Variants in CDT1 observed in about 807,000 individuals in gnomAD.
CDT1 encodes chromatin licensing and DNA replication factor 1.
A neutral mutation model predicts 49.3 loss-of-function variants in CDT1; 66 were observed. The observed-to-expected ratio is 1.34, with a 90% CI of 1.10 to 1.64. The LOEUF is 1.64. CDT1 is among the 40% of genes most tolerant of loss of function. CDT1 has a pLI of 0.00. For missense variants in CDT1, 958 were observed against 807.7 expected (o/e 1.19, Z -2.26); for synonymous variants, 424 against 347.4 (o/e 1.22, Z -2.45).
chr16:88,804,442 C>T lies in CDT1; in HGVS notation c.229-103C>T, dbSNP rs779342507. Reference sequence around the variant, plus strand: ...AAGTCCTAAGCCCCCCAGCCATGCCCGTCCCAGTTAACTCAGAGCGGCTTC... The same window carrying T: ...AAGTCCTAAGCCCCCCAGCCATGCCTGTCCCAGTTAACTCAGAGCGGCTTC... On this transcript the variant is annotated intron_variant, in intron 1 of 9. Coordinates refer to ENST00000301019, the MANE Select transcript of CDT1 (RefSeq NM_030928.4). 1.9e-3 allele frequency: 2,672 copies of T among 1,442,830 alleles called. 4 individuals are homozygous for T. The highest frequency in any genetic ancestry group is 2.3e-3 in the Non-Finnish European group (2,435 of 1,053,894). 89.4% of individuals were successfully genotyped at this position (1,442,830 alleles called of 1,614,324 possible). A position where few individuals can be genotyped will look rare whatever the true frequency, so the allele number is the denominator to read the frequency against.
chr16:88,806,298 T>A, intron 6 of CDT1, 177 bp downstream of exon 6: 1 of 961,970 alleles, frequency 1.0e-6, no homozygotes, highest in Non-Finnish European at 1.6e-6. Flanking sequence ...ACTGAGGAGG[T>A]CCCCAAGGCG....
chr16:88,803,791 C>G lies in CDT1; in HGVS notation c.-41C>G, dbSNP rs755521921. 53 of 1,462,160 alleles carry G rather than the reference C, an allele frequency of 3.6e-5. 1 individual carries two copies. In the Middle Eastern group the frequency reaches 5.4e-3, roughly 148 times the overall value. 90.6% of individuals were successfully genotyped at this position (1,462,160 alleles called of 1,614,324 possible). Reference sequence around the variant, plus strand: ...GCGGGAACCGCGCCCGCCTCTTCCTCCCTTCCTTCTTTCCTTGCTTTCGCC... The same window carrying G: ...GCGGGAACCGCGCCCGCCTCTTCCTGCCTTCCTTCTTTCCTTGCTTTCGCC... On this transcript the variant is annotated 5_prime_UTR_variant, in exon 1 of 10. Coordinates refer to ENST00000301019, the MANE Select transcript of CDT1 (RefSeq NM_030928.4).
At chr16:88,806,785 C>T (rs1335346945) in intron 7 of CDT1, 111 bp downstream of exon 7, 1 of 1,393,404 alleles carries the variant, frequency 7.2e-7, no homozygotes, top group Non-Finnish European at 9.9e-7. Flanking sequence ...CATCTGGCTT[C>T]CTCCTTGGCT....
chr16:88,806,123 T>C lies in CDT1; in HGVS notation c.933+2T>C, dbSNP rs1483279314. ...GAGCATGTCAAGGAGCACCACAAGG[T>C]GAGCGGCCCCCGGCCCCGCTGTGTG... On this transcript the variant is annotated splice_donor_variant, in intron 6 of 9. Transcript: ENST00000301019. LOFTEE classifies it high-confidence loss of function. 1 of 1,593,592 alleles carries C rather than the reference T, an allele frequency of 6.3e-7. No individual in the cohort carries two copies. The highest frequency in any genetic ancestry group is 8.5e-7 in the Non-Finnish European group (1 of 1,175,150).
At chr16:88,806,944 T>A in intron 7 of CDT1, 107 bp from the exon 8 acceptor site, 1 of 1,419,336 alleles carries the variant, frequency 7.0e-7, no homozygotes. Context: ...GACCACCCAG[T>A]GTGCTGGGTG....
rs1359772760 is a variant in CDT1, at chr16:88,807,288, C to T, written c.1283C>T (p.Ala428Val). The T allele has an allele frequency of 1.2e-6, 2 of 1,612,136 alleles. No homozygotes were observed. Among genetic ancestry groups the T allele is most frequent in the East Asian group, 2.2e-5 (1 of 44,878 alleles). The change falls in exon 9 of 10, where the codon GCC (alanine) becomes GTC (valine). Residue 428 changes from alanine to valine, a missense_variant. Ala to Val is a moderately conservative substitution (Grantham distance 64). Coordinates refer to ENST00000301019, the MANE Select transcript of CDT1 (RefSeq NM_030928.4). ...VSQDLLERIR[A>V]KEAQKQLAQM... ...TCCCGGTACCTGCTGCAGATCCGAG[C>T]CAAGGAGGCACAGAAGCAGCTGGCA...
intron 9 of CDT1, among the ~76,000 whole-genome samples, chr16:88,807,740 C>T (rs1908922061): frequency 1.3e-5 from 2 of 152,224 alleles, no homozygotes; most frequent in Admixed American, 6.5e-5. Flanking sequence ...TCCCTGACCA[C>T]CTGCAGTCCT....
rs75439984 is a variant in CDT1 at position 88,805,574 on chromosome 16, A to G, written c.623A>G (p.His208Arg). Residue 208 changes from histidine to arginine, a missense_variant, in exon 4 of 10, where the codon CAC becomes CGC. By Grantham distance (29) the His-to-Arg change is conservative. Coordinates refer to ENST00000301019, the MANE Select transcript of CDT1 (RefSeq NM_030928.4). ...RSMDTIVGML[H>R]NRSETPTFAK... ...ATGGACACCATCGTGGGCATGCTCC[A>G]CAACCGCTCCGAGACGCCCACCTTT... 6.2e-7 allele frequency: 1 copy of G among 1,612,862 alleles called. No homozygotes were observed. Among genetic ancestry groups the G allele is most frequent in the East Asian group, 2.2e-5 (1 of 44,868 alleles).
At chr16:88,805,949 C>G in intron 5 of CDT1, 72 bp from the exon 6 acceptor site, 1 of 1,587,350 alleles carries the variant, frequency 6.3e-7, no homozygotes, top group South Asian at 1.1e-5. Context: ...TGCTGGGCAT[C>G]TGGCCCAGGA....
Position 88,805,736 on chromosome 16 carries a change from G to A in CDT1, c.699G>A (p.Glu233=), listed in dbSNP as rs775598586. The A allele has an allele frequency of 6.2e-7, 1 of 1,613,012 alleles. No homozygotes were observed. The highest frequency in any genetic ancestry group is 1.1e-5 in the South Asian group (1 of 91,090). Residue 233 remains glutamate (E), a synonymous_variant, in exon 5 of 10, where the codon GAG becomes GAA. Transcript: ENST00000301019. Reference sequence around the variant, plus strand: ...CATCCTCCCATAGGCGTTTTGAGGAGTGCAATGTTGGCCAGATCAAAACCG... The same window carrying A: ...CATCCTCCCATAGGCGTTTTGAGGAATGCAATGTTGGCCAGATCAAAACCG... The part of the protein sequence containing the change: ...VQDMMRRRFE[E]CNVGQIKTVY...
chr16:88,805,882 T>G lies in CDT1; in HGVS notation c.832+13T>G. ...CTGCTGGAGCAGGGTGAGTGCTGGG[T>G]GCGGGACCTCGGTTTCCCCATCTGT... On this transcript the variant is annotated intron_variant, in intron 5 of 9. Transcript: ENST00000301019. 1 of 1,612,352 alleles carries G rather than the reference T, an allele frequency of 6.2e-7. No individual in the cohort carries two copies. The highest frequency in any genetic ancestry group is 1.7e-5 in the Admixed American group (1 of 59,924).
In CDT1 at chr16:88,807,379, C is replaced by G; in HGVS notation, c.1374C>G (p.Ala458=). Residue 458 remains alanine, a synonymous_variant, in exon 9 of 10, where the codon GCC becomes GCG. Transcript: ENST00000301019. ...GCTTAGAACGGCTGCCTGAGCTGGC[C>G]CGCGTGCTGCGGAGCGTCTTTGTGT... ...LQRLERLPEL[A]RVLRSVFVSE... is the part of the protein sequence containing the mutation. The G allele has an allele frequency of 6.2e-7, 1 of 1,612,698 alleles. No homozygotes were observed. The highest frequency in any genetic ancestry group is 8.5e-7 in the Non-Finnish European group (1 of 1,179,964).
chr16:88,808,134 G>T lies in CDT1; in HGVS notation c.1497G>T (p.Leu499=). The T allele has an allele frequency of 1.9e-6, 3 of 1,612,720 alleles. No individual in the cohort carries two copies. Among genetic ancestry groups the T allele is most frequent in the Non-Finnish European group, 2.5e-6 (3 of 1,179,916 alleles). ...IMSPGEMEKH[L]LLLSELLPDW... is the part of the protein sequence containing the mutation. ...CCCCAGGGGAAATGGAGAAGCACCT[G>T]CTGCTCCTCTCCGAGCTGCTGCCGG... The change falls in exon 10 of 10, where the codon CTG becomes CTT. Residue 499 remains leucine (L), a synonymous_variant. Transcript: ENST00000301019.
Position 88,808,147 on chromosome 16 carries a change from G to A in CDT1, c.1510G>A (p.Glu504Lys), listed in dbSNP as rs548414653. The A allele has an allele frequency of 1.6e-5, 26 of 1,612,630 alleles. No individual in the cohort carries two copies. The highest frequency in any genetic ancestry group is 8.8e-5 in the South Asian group (8 of 91,040). ...GGAGAAGCACCTGCTGCTCCTCTCC[G>A]AGCTGCTGCCGGACTGGCTCAGCCT... is the stretch of plus-strand genomic sequence containing the variant. ...EMEKHLLLLS[E>K]LLPDWLSLHR... is the part of the protein sequence containing the mutation. Residue 504 changes from glutamate (E) to lysine (K), a missense_variant, in exon 10 of 10, where the codon GAG becomes AAG. Glu to Lys is a moderately conservative substitution (Grantham distance 56). Coordinates refer to ENST00000301019, the MANE Select transcript of CDT1 (RefSeq NM_030928.4).
intron 7 of CDT1, 86 bp from the exon 8 acceptor site, chr16:88,806,965 T>C: frequency 1.3e-6 from 2 of 1,552,144 alleles, no homozygotes; most frequent in South Asian, 2.2e-5. Context: ...AACTTGTGCC[T>C]TGAGAGATAC....
chr16:88,804,923 A>G, intron 3 of CDT1, 25 bp downstream of exon 3: 1 of 1,534,610 alleles, frequency 6.5e-7, no homozygotes, highest in Non-Finnish European at 8.7e-7. Context: ...GGCGGCCACG[A>G]GGCCCCGGCA....
At position 88,805,392 on chromosome 16, in the gene CDT1, A is replaced by G. The variant is rs1567501140; in HGVS notation, c.489-48A>G. ...GCCGAGGGGCCTGCTGTGGCGTTGGAGGGGTAGGGGCCTACTGCTTCTCAT... is the reference window on the plus strand; with the variant it reads ...GCCGAGGGGCCTGCTGTGGCGTTGGGGGGGTAGGGGCCTACTGCTTCTCAT... On this transcript the variant is annotated intron_variant, in intron 3 of 9. Coordinates refer to ENST00000301019, the MANE Select transcript of CDT1 (RefSeq NM_030928.4). The G allele has an allele frequency of 7.5e-6, 12 of 1,604,590 alleles. No homozygotes were observed. The South Asian group carries it at 1.1e-4, about 15-fold the overall frequency.
chr16:88,806,457 A>G (rs753831123), intron 6 of CDT1, 29 bp from the exon 7 acceptor site: 1 of 1,606,466 alleles, frequency 6.2e-7, no homozygotes, highest in East Asian at 2.2e-5. Context: ...AGATGTGCCC[A>G]GGGTCACCCA....
Position 88,804,806 on chromosome 16 carries a change from G to A in CDT1, c.396G>A (p.Glu132=). The change falls in exon 3 of 10, where the codon GAG becomes GAA. Residue 132 remains glutamate, a synonymous_variant. Coordinates refer to ENST00000301019, the MANE Select transcript of CDT1 (RefSeq NM_030928.4). ...ELASCLQRAR[E]LGARVRALKA... is the part of the protein sequence containing the mutation. ...CGTCATGCCTGCAACGGGCCCGGGAGCTGGGGGCAAGAGTCCGGGCGCTGA... is the reference window on the plus strand; with the variant it reads ...CGTCATGCCTGCAACGGGCCCGGGAACTGGGGGCAAGAGTCCGGGCGCTGA... 6.2e-7 allele frequency: 1 copy of A among 1,612,766 alleles called. No individual in the cohort carries two copies. Among genetic ancestry groups the A allele is most frequent in the Non-Finnish European group, 8.5e-7 (1 of 1,179,886 alleles).
Sources: allele counts gnomAD v4.1 joint callset (sites outside exome capture counted in the v4.1 genomes callset), GRCh38; gene constraint gnomAD v4.1.1; transcripts MANE v1.5; gene names NCBI Gene and HGNC (gene_info 2026-07-23, HGNC 2026-07-21).